The following SDK1 variants were observed in gnomAD, a reference collection of about 807,000 sequenced individuals.
The protein encoded by SDK1 is protein sidekick-1.
In SDK1, 157 loss-of-function variants were observed where a neutral mutation model predicts 245.5. The ratio of observed to expected loss-of-function variants is 0.64; its 90% CI spans 0.56 to 0.73. SDK1 has a LOEUF of 0.73. SDK1 is among the 30% of genes least tolerant of loss of function. SDK1 has a pLI of 0.00. For synonymous variants in SDK1, 1,647 were observed against 1,278.5 expected, an observed-to-expected ratio of 1.29 and a Z score of -6.15; for missense variants, 3,583 against 3,002.3, an observed-to-expected ratio of 1.19 and a Z score of -4.52.
chr7:3,437,386 A>G (rs1780059797), intron 1 of SDK1, among the ~76,000 whole-genome samples: 1 of 152,188 alleles, frequency 6.6e-6, no homozygotes, highest in African/African-American at 2.4e-5. Context: ...TAATGTCACT[A>G]ATGTTTTGCA....
At chr7:3,553,356 G>C (rs143269820) in intron 1 of SDK1, among the ~76,000 whole-genome samples, 2 of 152,094 alleles carry the variant, frequency 1.3e-5, no homozygotes, top group Non-Finnish European at 2.9e-5. Context: ...GCACAGACCT[G>C]TTTCTCCCAC....
At chr7:3,846,122 C>T (rs569018761) in intron 5 of SDK1, among the ~76,000 whole-genome samples, 1 of 152,272 alleles carries the variant, frequency 6.6e-6, no homozygotes, top group Non-Finnish European at 1.5e-5. Context: ...GTTTAGGTTG[C>T]TGAGAAATGA....
At chr7:3,970,760 C>G (rs944144117) in intron 11 of SDK1, among the ~76,000 whole-genome samples, 2 of 152,206 alleles carry the variant, frequency 1.3e-5, no homozygotes, top group African/African-American at 4.8e-5. Context: ...CATTCCCTGC[C>G]ATAGCCAGGA....
intron 2 of SDK1, among the ~76,000 whole-genome samples, chr7:3,620,585 G>T (rs1410199214): frequency 6.6e-6 from 1 of 152,184 alleles, no homozygotes; most frequent in African/African-American, 2.4e-5. Context: ...TTACAGGTGT[G>T]AGCCACAGCA....
At chr7:3,830,984 C>G (rs1583458262) in intron 5 of SDK1, among the ~76,000 whole-genome samples, 1 of 152,122 alleles carries the variant, frequency 6.6e-6, no homozygotes, top group Non-Finnish European at 1.5e-5. Context: ...TTCTTTCTAG[C>G]TCTTATCACT....
At chr7:3,509,835 A>G (rs1407880444) in intron 1 of SDK1, among the ~76,000 whole-genome samples, 1 of 152,194 alleles carries the variant, frequency 6.6e-6, no homozygotes, top group Non-Finnish European at 1.5e-5. Context: ...TAGAGTCTAA[A>G]TTATAGAGAA....
chr7:3,389,802 T>C (rs1412393883), intron 1 of SDK1, among the ~76,000 whole-genome samples: 1 of 151,950 alleles, frequency 6.6e-6, no homozygotes, highest in East Asian at 1.9e-4. Context: ...GGAGGTGGGG[T>C]GCTGTGGTAA....
At position 4,026,322 on chromosome 7, in the gene SDK1, C is replaced by T. The variant is rs1018782523; in HGVS notation, c.2602+8970C>T. On this transcript the variant is annotated intron_variant, in intron 17 of 44. Coordinates refer to ENST00000404826, the MANE Select transcript of SDK1 (RefSeq NM_152744.4). The surrounding 1 kb of genome is among the most constrained non-coding windows in gnomAD (Gnocchi z 4.1). Reference sequence around the variant, plus strand: ...AGCGAGTGGCCAGAGCTTCCACCCTCGGTGGCCTTGGGCCCATGTTTTAGA... The same window carrying T: ...AGCGAGTGGCCAGAGCTTCCACCCTTGGTGGCCTTGGGCCCATGTTTTAGA... 1.3e-5 allele frequency among the ~76,000 whole-genome samples: 2 copies of T among 152,248 alleles called. No homozygotes were observed. The highest frequency in any genetic ancestry group is 2.9e-5 in the Non-Finnish European group (2 of 68,044).
In SDK1 at chr7:3,789,081, A is replaced by G. The variant is rs145996217; in HGVS notation, c.714-32369A>G. 3.9e-5 allele frequency among the ~76,000 whole-genome samples: 6 copies of G among 152,358 alleles called. No homozygotes were observed. The East Asian group carries it at 1.2e-3, about 29-fold the overall frequency. On this transcript the variant is annotated intron_variant, in intron 4 of 44. Transcript: ENST00000404826. ...TATGATAATACTGTTTGTCAAGGATACAGCCTGAAAGAATGAAATAGATTG... is the reference window on the plus strand; with the variant it reads ...TATGATAATACTGTTTGTCAAGGATGCAGCCTGAAAGAATGAAATAGATTG...
intron 9 of SDK1, among the ~76,000 whole-genome samples, chr7:3,964,126 C>G (rs1009318593): frequency 6.6e-6 from 1 of 152,208 alleles, no homozygotes; most frequent in African/African-American, 2.4e-5. Flanking sequence ...GCTCCATGTA[C>G]TACACACAGA....
rs375992069 is a variant in SDK1 at position 4,129,963 on chromosome 7, G to A, written c.3995G>A (p.Gly1332Glu). 5 of 1,613,842 alleles carry A rather than the reference G, an allele frequency of 3.1e-6. No homozygotes were observed. The highest frequency in any genetic ancestry group is 4.2e-6 in the Non-Finnish European group (5 of 1,179,976). Reference sequence around the variant, plus strand: ...GAGCCCAGGAGCCACATCGTGCGAGGGAACCACACGCAGTCGGCCCTGCTG... The same window carrying A: ...GAGCCCAGGAGCCACATCGTGCGAGAGAACCACACGCAGTCGGCCCTGCTG... Reference protein sequence around the residue: ...DPEPRSHIVRGNHTQSALLAG... With the variant: ...DPEPRSHIVRENHTQSALLAG... The change falls in exon 27 of 45, where the codon GGG (glycine) becomes GAG (glutamate). Residue 1332 changes from glycine (G) to glutamate (E), a missense_variant. Gly to Glu is a moderately conservative substitution (Grantham distance 98, BLOSUM62 -2). Coordinates refer to ENST00000404826, the MANE Select transcript of SDK1 (RefSeq NM_152744.4).
At chr7:3,622,238 G>A (rs1781964702) in intron 2 of SDK1, among the ~76,000 whole-genome samples, 1 of 152,194 alleles carries the variant, frequency 6.6e-6, no homozygotes, top group African/African-American at 2.4e-5. Flanking sequence ...AGCACTTTGG[G>A]AGGGTGAGGC....
intron 25 of SDK1, among the ~76,000 whole-genome samples, chr7:4,115,599 A>C (rs1008718052): frequency 6.6e-5 from 10 of 152,166 alleles, no homozygotes; most frequent in African/African-American, 2.4e-4. Flanking sequence ...TGAGCCCAGC[A>C]TGAGTCCTCC....
At chr7:3,355,758 C>G (rs1384447811) in intron 1 of SDK1, among the ~76,000 whole-genome samples, 1 of 152,220 alleles carries the variant, frequency 6.6e-6, no homozygotes, top group Non-Finnish European at 1.5e-5. Context: ...CTAAACTCAT[C>G]TATTAGTCCC....
chr7:3,963,245 C>T (rs2128130106), intron 9 of SDK1, among the ~76,000 whole-genome samples: 1 of 54,944 alleles, frequency 1.8e-5, no homozygotes, highest in East Asian at 4.8e-4. Context: ...CATTCAGCCC[C>T]ATGGCTACCT....
intron 1 of SDK1, among the ~76,000 whole-genome samples, chr7:3,463,301 A>G (rs139220699): frequency 1.4e-4 from 22 of 152,194 alleles, no homozygotes; most frequent in African/African-American, 5.1e-4. Flanking sequence ...TCACCATTTT[A>G]ACTTTGGTGC....
intron 1 of SDK1, among the ~76,000 whole-genome samples, chr7:3,549,214 C>T (rs1199757108): frequency 6.6e-6 from 1 of 152,184 alleles, no homozygotes; most frequent in African/African-American, 2.4e-5. Context: ...CGAATTCATT[C>T]CGAAGGCTGT....
chr7:4,129,118 T>G (rs1353619715), intron 26 of SDK1, among the ~76,000 whole-genome samples: 1 of 126,504 alleles, frequency 7.9e-6, no homozygotes, highest in Non-Finnish European at 1.7e-5. Context: ...GAGAGCAGCT[T>G]GGGGTGGGGT....
At chr7:4,253,106 A>T (rs1471708073) in intron 44 of SDK1, among the ~76,000 whole-genome samples, 1 of 151,916 alleles carries the variant, frequency 6.6e-6, no homozygotes, top group Non-Finnish European at 1.5e-5. Context: ...GATTTTCTCT[A>T]TTATTTTTCT....
Sources: gnomAD v4.1 joint callset for allele counts (sites outside exome capture counted in the v4.1 genomes callset) on GRCh38, gnomAD v4.1.1 for gene constraint, Gnocchi (gnomAD v3.1) non-coding constraint, MANE v1.5 for transcripts, NCBI Gene and HGNC (gene_info 2026-07-23, HGNC 2026-07-21) for gene names.